The following RGS12 variants were observed in gnomAD, a reference collection of about 807,000 sequenced individuals.
RGS12 encodes regulator of G-protein signaling 12.
Under a neutral mutation model 120.1 loss-of-function variants are expected in RGS12, and 66 were observed. The observed-to-expected ratio is 0.55, with a 90% confidence interval of 0.45 to 0.67. The LOEUF (loss-of-function observed/expected upper bound fraction) is 0.67, where lower values mean the gene tolerates loss of function less well. Among genes scored for constraint, RGS12 ranks in the 30% least tolerant of loss-of-function variants. The pLI, the probability that RGS12 is intolerant of heterozygous loss-of-function variation, is 0.00. For synonymous variants in RGS12, 827 were observed against 804.7 expected (o/e 1.03, Z -0.47); for missense variants, 1,859 against 1,957.7 (o/e 0.95, Z 0.95).
At position 3,430,694 on chromosome 4, in the gene RGS12, C is replaced by T. The variant is rs1724184995; in HGVS notation, c.3853C>T (p.Pro1285Ser). The T allele has an allele frequency of 3.8e-6, 6 of 1,577,922 alleles. No homozygotes were observed. Among genetic ancestry groups the T allele is most frequent in the Non-Finnish European group, 5.2e-6 (6 of 1,161,970 alleles). Residue 1285 changes from proline (P) to serine (S), a missense_variant, in exon 17 of 18, where the codon CCT (proline) becomes TCT (serine). Pro to Ser is a moderately conservative substitution (Grantham distance 74, BLOSUM62 -1). Coordinates refer to ENST00000336727, the MANE Select transcript of RGS12 (RefSeq NM_001394154.1). ...CTCAGCCTCCAGCCCCCCTGGACCT[C>T]CTGGGACGACCCCCCCCGGGCAGAA... ...PGSASSPPGP[P>S]GTTPPGQKSP... is the part of the protein sequence containing the mutation.
intron 2 of RGS12, among the ~76,000 whole-genome samples, chr4:3,335,535 C>T (rs924703630): frequency 6.6e-6 from 1 of 152,166 alleles, no homozygotes; most frequent in African/African-American, 2.4e-5. Flanking sequence ...GGGCGCTCCC[C>T]GGAGCTGGCA....
chr4:3,317,660 A>G lies in RGS12; in HGVS notation c.1490A>G (p.Asp497Gly), dbSNP rs765387717. 14 of 1,603,046 alleles carry G rather than the reference A, an allele frequency of 8.7e-6. No individual in the cohort carries two copies. In the South Asian group the frequency reaches 1.4e-4, roughly 16 times the overall value. ...GCTCATCAGACTGACAGGTTCTGGG[A>G]CCTAAACAAGCACCTAGGGCCAGCC... is the stretch of plus-strand genomic sequence containing the variant. ...EAAHQTDRFW[D>G]LNKHLGPASP... Residue 497 changes from aspartate (D) to glycine (G), a missense_variant, in exon 2 of 18, where the codon GAC (aspartate) becomes GGC (glycine). Physicochemically the swap from Asp to Gly is moderately conservative, Grantham distance 94. Coordinates refer to ENST00000336727, the MANE Select transcript of RGS12 (RefSeq NM_001394154.1).
intron 3 of RGS12, chr4:3,370,098 T>C: frequency 7.3e-7 from 1 of 1,369,496 alleles, no homozygotes; most frequent in East Asian, 2.5e-5. Context: ...AGATAGAGTC[T>C]GAAACCCTGG....
chr4:3,308,823 T>C (rs1352530164), intron 1 of RGS12, among the ~76,000 whole-genome samples: 2 of 152,264 alleles, frequency 1.3e-5, no homozygotes, highest in Non-Finnish European at 2.9e-5. Flanking sequence ...TCTGTCAGGA[T>C]TGTGCTGTCA....
In RGS12 at chr4:3,422,710, C is replaced by G. The variant is rs1723155067; in HGVS notation, c.3033+140C>G. 1.3e-5 allele frequency: 14 copies of G among 1,092,634 alleles called. No individual in the cohort carries two copies. In the South Asian group the frequency reaches 2.1e-4, roughly 17 times the overall value. The allele number at this position is 1,092,634 out of a possible 1,614,324, so 67.7% of individuals were successfully genotyped here. On this transcript the variant is annotated intron_variant, in intron 11 of 17. Transcript: ENST00000336727. ...GCGCCTGGGGCGGAGGCCGGATTAT[C>G]TGAACTGAGCTATCTGCTGGGAGCA...
intron 1 of RGS12, among the ~76,000 whole-genome samples, chr4:3,309,410 G>A (rs375552384): frequency 2.1e-5 from 3 of 144,010 alleles, no homozygotes; most frequent in African/African-American, 5.3e-5. Context: ...AATGGCAGGT[G>A]TCCGCTGAGG....
intron 17 of RGS12, chr4:3,431,366 G>A (rs779908861): frequency 3.9e-6 from 4 of 1,038,156 alleles, no homozygotes; most frequent in South Asian, 3.5e-5. Context: ...TTTGTCTTGA[G>A]TGAGGAAGTG....
At chr4:3,400,728 CATT>C (rs1246260532) in intron 4 of RGS12, among the ~76,000 whole-genome samples, 2 of 140,004 alleles carry the variant, frequency 1.4e-5, no homozygotes, top group East Asian at 2.1e-4. Context: ...TAGTAATACT[CATT>C]AGTAATACTC....
At chr4:3,424,807 C>T (rs1053026360) in intron 13 of RGS12, among the ~76,000 whole-genome samples, 2 of 152,218 alleles carry the variant, frequency 1.3e-5, no homozygotes, top group Non-Finnish European at 2.9e-5. Flanking sequence ...GTGGAGAAGG[C>T]GGGACCTGGG....
intron 1 of RGS12, among the ~76,000 whole-genome samples, chr4:3,313,380 C>T (rs954642650): frequency 2.0e-5 from 3 of 152,322 alleles, no homozygotes; most frequent in East Asian, 1.9e-4. Context: ...TGGCACTTGC[C>T]GGGAACAGCA....
intron 1 of RGS12, among the ~76,000 whole-genome samples, chr4:3,315,172 G>T (rs1253199447): frequency 2.0e-5 from 3 of 152,208 alleles, no homozygotes; most frequent in African/African-American, 7.2e-5. Flanking sequence ...GCTCAAGCCT[G>T]GTTTCTTTGG....
At chr4:3,368,060 G>A (rs1716513471) in intron 3 of RGS12, among the ~76,000 whole-genome samples, 1 of 152,222 alleles carries the variant, frequency 6.6e-6, no homozygotes, top group South Asian at 2.1e-4. Flanking sequence ...CTCAGCAGAA[G>A]GCCCCACGCA....
At chr4:3,395,474 C>G (rs1719962224) in intron 4 of RGS12, among the ~76,000 whole-genome samples, 2 of 152,324 alleles carry the variant, frequency 1.3e-5, no homozygotes, top group South Asian at 2.1e-4. Context: ...TACATTTCTG[C>G]TCTGATAGGC....
intron 4 of RGS12, among the ~76,000 whole-genome samples, chr4:3,400,776 A>G (rs1326537951): frequency 6.7e-6 from 1 of 149,098 alleles, no homozygotes; most frequent in African/African-American, 2.4e-5. Context: ...AATATATATG[A>G]TAATGAATAG....
At chr4:3,294,734 T>C (rs530735306) in intron 1 of RGS12, among the ~76,000 whole-genome samples, 1 of 152,328 alleles carries the variant, frequency 6.6e-6, no homozygotes, top group Non-Finnish European at 1.5e-5. Flanking sequence ...CTCCTGAGGC[T>C]GGAACCTGCC....
At position 3,342,873 on chromosome 4, in the gene RGS12, A is replaced by G. The variant is rs571205683; in HGVS notation, c.1882-64A>G. 2.4e-4 allele frequency: 262 copies of G among 1,088,622 alleles called. No individual in the cohort carries two copies. The Admixed American group carries it at 4.3e-3, about 18-fold the overall frequency. The allele number at this position is 1,088,622 out of a possible 1,614,324, so 67.4% of individuals were successfully genotyped here. ...TCCTTGATTTTCTGCTATGCCATGCATTGGACAAGACTAAACATCTCTTTG... is the reference window on the plus strand; with the variant it reads ...TCCTTGATTTTCTGCTATGCCATGCGTTGGACAAGACTAAACATCTCTTTG... On this transcript the variant is annotated intron_variant, in intron 2 of 17. Coordinates refer to ENST00000336727, the MANE Select transcript of RGS12 (RefSeq NM_001394154.1).
Position 3,364,185 on chromosome 4 carries a change from C to T in RGS12, c.1998+21132C>T, listed in dbSNP as rs191114028. Among the ~76,000 whole-genome samples, 55 of 152,294 alleles carry T rather than the reference C, an allele frequency of 3.6e-4. 1 individual carries two copies. Among genetic ancestry groups the T allele is most frequent in the African/African-American group, 1.3e-3 (52 of 41,556 alleles). On this transcript the variant is annotated intron_variant, in intron 3 of 17. Coordinates refer to ENST00000336727, the MANE Select transcript of RGS12 (RefSeq NM_001394154.1). Reference sequence around the variant, plus strand: ...TTGCTGTATAAGCCCTGGGGATGGCCTTGTCATCTCTTGAGTTCTGGCTTG... The same window carrying T: ...TTGCTGTATAAGCCCTGGGGATGGCTTTGTCATCTCTTGAGTTCTGGCTTG...
At chr4:3,412,167 C>T (rs1721804985) in intron 4 of RGS12, among the ~76,000 whole-genome samples, 1 of 152,222 alleles carries the variant, frequency 6.6e-6, no homozygotes, top group Admixed American at 6.5e-5. Context: ...AATCTAAATG[C>T]TCTTCGCACT....
chr4:3,378,257 A>G (rs1342359164), intron 3 of RGS12: 1 of 152,192 alleles, frequency 6.6e-6, no homozygotes, highest in Non-Finnish European at 1.5e-5. Flanking sequence ...ATACACAAAC[A>G]TCATCTCACA....
Sources: allele counts gnomAD v4.1 joint callset (sites outside exome capture counted in the v4.1 genomes callset), GRCh38; gene constraint gnomAD v4.1.1; transcripts MANE v1.5; gene names NCBI Gene and HGNC (gene_info 2026-07-23, HGNC 2026-07-21).